The following PCDHGB2 variants were observed in gnomAD, a reference collection of about 807,000 sequenced individuals.
The protein encoded by PCDHGB2 is protocadherin gamma-B2.
PCDHGB2 carries 55 observed loss-of-function variants against 59.3 expected under a neutral mutation model. The ratio of observed to expected loss-of-function variants is 0.93; its 90% CI spans 0.75 to 1.16. The LOEUF (loss-of-function observed/expected upper bound fraction) is 1.16. Ranked by LOEUF, PCDHGB2 falls within the 50% of genes most tolerant of loss-of-function variation. The pLI, the probability that PCDHGB2 is intolerant of heterozygous loss-of-function variation, is 0.00. For missense variants in PCDHGB2, 1,228 were observed against 1,198.5 expected, an observed-to-expected ratio of 1.02 and a Z score of -0.36; for synonymous variants, 516 against 512.0, an observed-to-expected ratio of 1.01 and a Z score of -0.11.
At chr5:141,460,331 A>T (rs537463160) in intron 1 of PCDHGB2, among the ~76,000 whole-genome samples, 3 of 152,212 alleles carry the variant, frequency 2.0e-5, no homozygotes, top group African/African-American at 7.2e-5. Flanking sequence ...AAAACTTATG[A>T]TGATTTTCTC....
intron 1 of PCDHGB2, chr5:141,478,597 C>T: frequency 6.4e-7 from 1 of 1,567,010 alleles, no homozygotes; most frequent in Non-Finnish European, 8.7e-7. Flanking sequence ...TTTATTCCTA[C>T]ATCATATTGA....
rs999687684 is a variant in PCDHGB2 at position 141,431,598 on chromosome 5, C to G, written c.2422-63209C>G. 1 of 1,614,074 alleles carries G rather than the reference C, an allele frequency of 6.2e-7. No individual in the cohort carries two copies. The highest frequency in any genetic ancestry group is 1.3e-5 in the African/African-American group (1 of 74,938). On this transcript the variant is annotated intron_variant, in intron 1 of 3. Transcript: ENST00000522605. This position sits in a 1 kb window ranked among gnomAD's most constrained non-coding sequence, Gnocchi z 4.8. ...GGAGTCAATGCGGAAGTGAGGTATT[C>G]CTTCCGGTATGTGGACGACAAGGCG...
At chr5:141,397,912 A>G in intron 1 of PCDHGB2, 2 of 686,532 alleles carry the variant, frequency 2.9e-6, no homozygotes, top group Non-Finnish European at 4.8e-6. Flanking sequence ...TTGGCGCTCC[A>G]GATCTCCTCG....
At chr5:141,388,401 A>G (rs1243768242) in intron 1 of PCDHGB2, 1 of 1,613,908 alleles carries the variant, frequency 6.2e-7, no homozygotes, top group Non-Finnish European at 8.5e-7. Context: ...TTACCAACTC[A>G]GTCCCAGTGA....
At chr5:141,407,243 C>G (rs1191688729) in intron 1 of PCDHGB2, among the ~76,000 whole-genome samples, 1 of 152,168 alleles carries the variant, frequency 6.6e-6, no homozygotes, top group African/African-American at 2.4e-5. Context: ...AAGCATACTT[C>G]AGGCTCATAT....
At position 141,421,727 on chromosome 5, in the gene PCDHGB2, C is replaced by T. The variant is rs779718690; in HGVS notation, c.2421+59171C>T. The T allele has an allele frequency of 4.3e-6, 7 of 1,613,798 alleles. No individual in the cohort carries two copies. In the African/African-American group the frequency reaches 9.3e-5, roughly 22 times the overall value. ...AGGGATCCAGATGTGGGCGTGAACT[C>T]CCTCCAGAGCTACCAGCTCAGCCCT... On this transcript the variant is annotated intron_variant, in intron 1 of 3. Coordinates refer to ENST00000522605, the MANE Select transcript of PCDHGB2 (RefSeq NM_018923.3).
rs2099692814 is a variant in PCDHGB2 at position 141,489,840 on chromosome 5, G to A, written c.2422-4967G>A. 6.2e-7 allele frequency: 1 copy of A among 1,614,190 alleles called. No individual in the cohort carries two copies. The highest frequency in any genetic ancestry group is 8.5e-7 in the Non-Finnish European group (1 of 1,179,990). On this transcript the variant is annotated intron_variant, in intron 1 of 3. Coordinates refer to ENST00000522605, the MANE Select transcript of PCDHGB2 (RefSeq NM_018923.3). The surrounding 1 kb of genome is among the most constrained non-coding windows in gnomAD (Gnocchi z 4.5). ...CAGAGCTGGTGCTAGAGCAGCAGCT[G>A]GATCGTGAAGCCCAGGCAAGACATC... is the stretch of plus-strand genomic sequence containing the variant.
chr5:141,422,539 C>T (rs1335732614), intron 1 of PCDHGB2: 6 of 1,613,876 alleles, frequency 3.7e-6, no homozygotes, highest in Middle Eastern at 1.6e-4. Context: ...TGCAGAAACT[C>T]ATGTCTGGCT....
chr5:141,458,540 TTTTG>T (rs754668779), intron 1 of PCDHGB2, among the ~76,000 whole-genome samples: 43 of 150,468 alleles, frequency 2.9e-4, no homozygotes, highest in East Asian at 1.7e-3. Context: ...ATCAACTTTA[TTTTG>T]TTTGTTTGTT....
intron 1 of PCDHGB2, chr5:141,479,537 T>C (rs1299169562): frequency 6.6e-6 from 1 of 152,230 alleles, no homozygotes; most frequent in Non-Finnish European, 1.5e-5. Context: ...GTGGAGAAGG[T>C]CAAAACTGCT....
rs1561522741 is a variant in PCDHGB2 at position 141,361,145 on chromosome 5, T to C, written c.1010T>C (p.Ile337Thr). The change falls in exon 1 of 4, where the codon ATT (isoleucine) becomes ACT (threonine). Residue 337 changes from isoleucine to threonine, a missense_variant. Ile to Thr is a moderately conservative substitution (Grantham distance 89). This residue lies in a region of PCDHGB2 where 781 missense variants were observed against 721.6 expected (regional missense o/e 1.08). Transcript: ENST00000522605. The part of the protein sequence containing the change: ...LAAHCSIQVE[I>T]LDDNDCAPEV... Reference sequence around the variant, plus strand: ...GCCCACTGCAGTATCCAAGTTGAAATTCTTGATGACAACGATTGTGCACCT... The same window carrying C: ...GCCCACTGCAGTATCCAAGTTGAAACTCTTGATGACAACGATTGTGCACCT... 2 of 1,613,964 alleles carry C rather than the reference T, an allele frequency of 1.2e-6. No individual in the cohort carries two copies. Among genetic ancestry groups the C allele is most frequent in the South Asian group, 2.2e-5 (2 of 91,086 alleles).
In PCDHGB2 at chr5:141,489,597, A is replaced by G; in HGVS notation, c.2422-5210A>G. 6.2e-7 allele frequency: 1 copy of G among 1,614,100 alleles called. No individual in the cohort carries two copies. The highest frequency in any genetic ancestry group is 1.3e-5 in the African/African-American group (1 of 75,040). ...AACACCCCCTGGAGCTAATCCGTGTAGAGGTAGAGATCCTGGATCTCAATG... is the reference window on the plus strand; with the variant it reads ...AACACCCCCTGGAGCTAATCCGTGTGGAGGTAGAGATCCTGGATCTCAATG... On this transcript the variant is annotated intron_variant, in intron 1 of 3. Transcript: ENST00000522605. The surrounding 1 kb of genome is among the most constrained non-coding windows in gnomAD (Gnocchi z 4.5).
At chr5:141,462,203 G>T (rs544238255) in intron 1 of PCDHGB2, among the ~76,000 whole-genome samples, 2 of 152,036 alleles carry the variant, frequency 1.3e-5, no homozygotes, top group African/African-American at 4.8e-5. Flanking sequence ...CAGGTGATCC[G>T]CCTGCCTCGG....
intron 1 of PCDHGB2, chr5:141,404,106 C>G: frequency 1.2e-6 from 2 of 1,613,428 alleles, no homozygotes; most frequent in Non-Finnish European, 1.7e-6. Flanking sequence ...GTTGTCTGTT[C>G]TATCCAGGAG....
chr5:141,452,278 T>C (rs1047687328), intron 1 of PCDHGB2, among the ~76,000 whole-genome samples: 1 of 152,226 alleles, frequency 6.6e-6, no homozygotes, highest in African/African-American at 2.4e-5. Context: ...AACCCTTTCT[T>C]ACTTTCTGAT....
chr5:141,375,028 T>G (rs775365002), intron 1 of PCDHGB2: 2 of 1,613,924 alleles, frequency 1.2e-6, no homozygotes, highest in Admixed American at 1.7e-5. Flanking sequence ...CGAGTTTTTA[T>G]GAGCTGGGTG....
Position 141,361,668 on chromosome 5 carries a change from C to CG in PCDHGB2, c.1537dup (p.Val513GlyfsTer11). 6.2e-7 allele frequency: 1 copy of CG among 1,613,670 alleles called. No individual in the cohort carries two copies. Among genetic ancestry groups the CG allele is most frequent in the Non-Finnish European group, 8.5e-7 (1 of 1,179,904 alleles). On this transcript the variant is annotated frameshift_variant, in exon 1 of 4. Coordinates refer to ENST00000522605, the MANE Select transcript of PCDHGB2 (RefSeq NM_018923.3). LOFTEE classifies it high-confidence loss of function. ...CCTACGTGTCCGTGAGCGCGCAGAG[C>CG]GGGGTGGTGTTCGCGCAGCGCGCCT...
intron 1 of PCDHGB2, among the ~76,000 whole-genome samples, chr5:141,368,348 C>T (rs1406521709): frequency 1.3e-5 from 2 of 151,986 alleles, no homozygotes; most frequent in African/African-American, 4.8e-5. Flanking sequence ...TACATATACA[C>T]ACACATATAT....
In PCDHGB2 at chr5:141,362,549, T is replaced by C. The variant is rs1762561997; in HGVS notation, c.2414T>C (p.Ile805Thr). The C allele has an allele frequency of 6.2e-7, 1 of 1,612,502 alleles. No homozygotes were observed. The highest frequency in any genetic ancestry group is 1.7e-5 in the Admixed American group (1 of 59,716). The change falls in exon 1 of 4, where the codon ATT (isoleucine) becomes ACT (threonine). Residue 805 changes from isoleucine (I) to threonine (T), a missense_variant. Transcript: ENST00000522605. Reference protein sequence around the residue: ...AAGVPFASDTILKQAPPNTDW... With the variant: ...AAGVPFASDTTLKQAPPNTDW... Reference sequence around the variant, plus strand: ...GGGGTCCCTTTTGCCTCAGATACTATTTTGAAGGTGAGCTTTAATTAATTT... The same window carrying C: ...GGGGTCCCTTTTGCCTCAGATACTACTTTGAAGGTGAGCTTTAATTAATTT...
Sources: allele counts gnomAD v4.1 joint callset (sites outside exome capture counted in the v4.1 genomes callset), GRCh38; gene constraint gnomAD v4.1.1; regional missense constraint gnomAD v4.1.1; non-coding constraint Gnocchi (gnomAD v3.1); transcripts MANE v1.5; gene names NCBI Gene and HGNC (gene_info 2026-07-23, HGNC 2026-07-21).